Variants in PPM1H observed in about 807,000 individuals in gnomAD.
The protein encoded by PPM1H is protein phosphatase 1H.
In PPM1H, 27 loss-of-function variants were observed where a neutral mutation model predicts 54.9. The ratio of observed to expected loss-of-function variants is 0.49; its 90% CI spans 0.36 to 0.68. The LOEUF (loss-of-function observed/expected upper bound fraction) is 0.68, where lower values mean the gene tolerates loss of function less well. Ranked by LOEUF, PPM1H falls within the 30% of genes least tolerant of loss-of-function variation. The probability of loss-of-function intolerance (pLI) is 0.00; values close to 1 mark genes in which losing one functional copy is unlikely to be tolerated. For missense variants in PPM1H, 596 were observed against 667.8 expected, an observed-to-expected ratio of 0.89 and a Z score of 1.19; for synonymous variants, 305 against 270.8, an observed-to-expected ratio of 1.13 and a Z score of -1.24.
At chr12:62,767,172 A>C (rs1249197406) in intron 4 of PPM1H, among the ~76,000 whole-genome samples, 1 of 152,112 alleles carries the variant, frequency 6.6e-6, no homozygotes, top group East Asian at 1.9e-4. Flanking sequence ...GTGGGAGGGA[A>C]GTGCGGCTTG....
At chr12:62,901,771 T>C (rs1164096699) in intron 1 of PPM1H, among the ~76,000 whole-genome samples, 1 of 152,104 alleles carries the variant, frequency 6.6e-6, no homozygotes. Context: ...ACAGGTAGCT[T>C]TGAGCAGAAA....
intron 8 of PPM1H, among the ~76,000 whole-genome samples, chr12:62,687,554 T>C (rs1421503018): frequency 6.6e-6 from 1 of 151,950 alleles, no homozygotes; most frequent in Admixed American, 6.6e-5. Context: ...GCCGGCCTTC[T>C]TGCAGTACTT....
At chr12:62,899,869 C>T (rs767939675) in intron 1 of PPM1H, among the ~76,000 whole-genome samples, 1 of 152,204 alleles carries the variant, frequency 6.6e-6, no homozygotes, top group Non-Finnish European at 1.5e-5. Flanking sequence ...AAATCCTAAC[C>T]TCCAATGCAA....
At chr12:62,856,187 CCT>C (rs1869381366) in intron 1 of PPM1H, among the ~76,000 whole-genome samples, 1 of 152,170 alleles carries the variant, frequency 6.6e-6, no homozygotes, top group Non-Finnish European at 1.5e-5. Context: ...CAGAACTCTC[CCT>C]CTGTACAACT....
intron 1 of PPM1H, among the ~76,000 whole-genome samples, chr12:62,900,151 C>T (rs1421909991): frequency 6.6e-6 from 1 of 152,248 alleles, no homozygotes; most frequent in Non-Finnish European, 1.5e-5. Context: ...GCTGTAGTCT[C>T]AGTTCTGCCA....
At chr12:62,699,321 C>T (rs577208733) in intron 6 of PPM1H, among the ~76,000 whole-genome samples, 113 of 152,308 alleles carry the variant, frequency 7.4e-4, no homozygotes, top group African/African-American at 2.5e-3. Context: ...CTCAGCATCC[C>T]GAGTAGCTGG....
intron 2 of PPM1H, among the ~76,000 whole-genome samples, chr12:62,829,617 G>C (rs1379822262): frequency 6.6e-6 from 1 of 152,212 alleles, no homozygotes; most frequent in African/African-American, 2.4e-5. Context: ...GTCGGAGCAG[G>C]ACTGGGGCAC....
chr12:62,737,821 T>C (rs181215808), intron 4 of PPM1H, among the ~76,000 whole-genome samples: 259 of 152,322 alleles, frequency 1.7e-3, no homozygotes, highest in Non-Finnish European at 3.0e-3. Context: ...TAGCTGGAAG[T>C]GTGCCTTAAT....
intron 1 of PPM1H, among the ~76,000 whole-genome samples, chr12:62,918,649 G>T (rs979892076): frequency 6.6e-6 from 1 of 152,190 alleles, no homozygotes; most frequent in Non-Finnish European, 1.5e-5. Flanking sequence ...GCTTAGCAAA[G>T]ATTTACCTAC....
At chr12:62,791,935 T>G (rs1181215219) in intron 3 of PPM1H, among the ~76,000 whole-genome samples, 4 of 152,106 alleles carry the variant, frequency 2.6e-5, no homozygotes, top group Non-Finnish European at 5.9e-5. Flanking sequence ...TCTCAAAAAA[T>G]TATCTGAACA....
rs1015865193 is a variant in PPM1H, at chr12:62,644,550, CTG to C, written c.*3937_*3938del. On this transcript the variant is annotated 3_prime_UTR_variant, in exon 10 of 10. Coordinates refer to ENST00000228705, the MANE Select transcript of PPM1H (RefSeq NM_020700.2). ...ATTAAAGCTATTTACACAGATAACA[CTG>C]TGGATTCGAAAGAGCAGTCCTCTGC... The C allele has an allele frequency of 5.3e-5, 8 of 152,260 alleles. No individual in the cohort carries two copies. The highest frequency in any genetic ancestry group is 1.9e-4 in the African/African-American group (8 of 41,466). The allele number at this position is 152,260 out of a possible 1,614,324, so 9.4% of individuals were successfully genotyped here.
chr12:62,748,529 A>AACAC (rs3052402), intron 4 of PPM1H, among the ~76,000 whole-genome samples: 11,269 of 147,302 alleles, frequency 0.077, 435 homozygotes, highest in Non-Finnish European at 0.085. Context: ...TTCAGTGTAG[A>AACAC]ACACACACAC....
chr12:62,841,961 C>T (rs1284114623), intron 1 of PPM1H, among the ~76,000 whole-genome samples: 1 of 152,104 alleles, frequency 6.6e-6, no homozygotes, highest in Admixed American at 6.5e-5. Flanking sequence ...TATTTCCTTT[C>T]AATAATCCTC....
intron 1 of PPM1H, among the ~76,000 whole-genome samples, chr12:62,893,869 CAT>C (rs1052438309): frequency 1.3e-5 from 2 of 152,154 alleles, no homozygotes; most frequent in Admixed American, 1.3e-4. Context: ...AGGACTTCAA[CAT>C]ATGAATTTTG....
intron 6 of PPM1H, among the ~76,000 whole-genome samples, chr12:62,694,305 A>G (rs1047834957): frequency 5.3e-5 from 8 of 152,226 alleles, no homozygotes; most frequent in Admixed American, 3.9e-4. Flanking sequence ...ACCCAGCAAC[A>G]GTATTCTCAT....
At position 62,728,406 on chromosome 12, in the gene PPM1H, T is replaced by C. The variant is rs183935499; in HGVS notation, c.955-8117A>G. On this transcript the variant is annotated intron_variant, in intron 5 of 9. Coordinates refer to ENST00000228705, the MANE Select transcript of PPM1H (RefSeq NM_020700.2). ...GTTTGAGTAGGGGAATTGGATGTCTTTCTATGGCCACTCTCCTCTCTAGTC... is the reference window on the plus strand; with the variant it reads ...GTTTGAGTAGGGGAATTGGATGTCTCTCTATGGCCACTCTCCTCTCTAGTC... Among the ~76,000 whole-genome samples the C allele has an allele frequency of 2.0e-5, 3 of 152,244 alleles. No individual in the cohort carries two copies. In the East Asian group the frequency reaches 5.8e-4, roughly 29 times the overall value.
intron 5 of PPM1H, among the ~76,000 whole-genome samples, chr12:62,733,849 G>C (rs2120512191): frequency 6.6e-6 from 1 of 152,250 alleles, no homozygotes; most frequent in Admixed American, 6.5e-5. Context: ...GATTGTTTAA[G>C]GGCGACACCA....
At chr12:62,933,575 T>C (rs999387838) in intron 1 of PPM1H, among the ~76,000 whole-genome samples, 2 of 152,212 alleles carry the variant, frequency 1.3e-5, no homozygotes, top group Non-Finnish European at 2.9e-5. Context: ...CCTTGAATTC[T>C]ATTCTAAATG....
intron 1 of PPM1H, among the ~76,000 whole-genome samples, chr12:62,905,408 A>T (rs1871275485): frequency 6.6e-6 from 1 of 152,202 alleles, no homozygotes; most frequent in African/African-American, 2.4e-5. Flanking sequence ...ACTAGCCAAG[A>T]TGGGACAATG....
Sources: allele counts gnomAD v4.1 joint callset (sites outside exome capture counted in the v4.1 genomes callset), GRCh38; gene constraint gnomAD v4.1.1; transcripts MANE v1.5; gene names NCBI Gene and HGNC (gene_info 2026-07-23, HGNC 2026-07-21).